RNF144B: variants seen among roughly 807,000 people sequenced by gnomAD.
RNF144B encodes E3 ubiquitin-protein ligase RNF144B.
RNF144B carries 25 observed loss-of-function variants against 40.2 expected under a neutral mutation model. The ratio of observed to expected loss-of-function variants is 0.62; its 90% CI spans 0.45 to 0.87. RNF144B has a LOEUF of 0.87. Among genes scored for constraint, RNF144B ranks in the 40% least tolerant of loss-of-function variants. The pLI is 0.00. For missense variants in RNF144B, 365 were observed against 373.7 expected (o/e 0.98, Z 0.19); for synonymous variants, 145 against 136.3 (o/e 1.06, Z -0.44).
rs1759414481 is a variant in RNF144B at position 18,459,882 on chromosome 6, G to A, written c.681+131G>A. On this transcript the variant is annotated intron_variant, in intron 6 of 7. Coordinates refer to ENST00000259939, the MANE Select transcript of RNF144B (RefSeq NM_182757.4). This position sits in a 1 kb window ranked among gnomAD's most constrained non-coding sequence, Gnocchi z 4.2. ...GCAAAAGGAATTTATTTTTCTTAAT[G>A]AGACTTACTAAGCCTGATACTTTAG... The A allele has an allele frequency of 1.2e-6, 1 of 827,636 alleles. No individual in the cohort carries two copies. The highest frequency in any genetic ancestry group is 1.9e-6 in the Non-Finnish European group (1 of 520,772). 51.3% of individuals were successfully genotyped at this position (827,636 alleles called of 1,614,324 possible).
In RNF144B at chr6:18,460,121, G is replaced by A. The variant is rs1395615572; in HGVS notation, c.681+370G>A. On this transcript the variant is annotated intron_variant, in intron 6 of 7. Transcript: ENST00000259939. This position sits in a 1 kb window ranked among gnomAD's most constrained non-coding sequence, Gnocchi z 4.4. Reference sequence around the variant, plus strand: ...TATTATCCCACAGTTCTTCACTTTGGAAGTCTGACATAGGTCTTGCTGGAT... The same window carrying A: ...TATTATCCCACAGTTCTTCACTTTGAAAGTCTGACATAGGTCTTGCTGGAT... Among the ~76,000 whole-genome samples the A allele has an allele frequency of 6.6e-6, 1 of 152,172 alleles. No individual in the cohort carries two copies. Among genetic ancestry groups the A allele is most frequent in the Non-Finnish European group, 1.5e-5 (1 of 68,040 alleles).
intron 1 of RNF144B, among the ~76,000 whole-genome samples, chr6:18,392,965 C>CA (rs1165908206): frequency 6.6e-6 from 1 of 151,606 alleles, no homozygotes; most frequent in African/African-American, 2.4e-5. Flanking sequence ...CTAAAAAATA[C>CA]AAAAAATTAG....
intron 2 of RNF144B, among the ~76,000 whole-genome samples, chr6:18,409,561 CTTTTTTTT>C (rs70974741): frequency 6.4e-5 from 6 of 93,262 alleles, no homozygotes; most frequent in Admixed American, 5.7e-4. Flanking sequence ...CTTGCATAAC[CTTTTTTTT>C]TTTTTTTTTT....
chr6:18,396,873 A>G (rs1243782499), intron 1 of RNF144B: 1 of 972,552 alleles, frequency 1.0e-6, no homozygotes, highest in Non-Finnish European at 1.2e-6. Context: ...GAGATTTTTT[A>G]CAAAAACTCA....
At position 18,406,507 on chromosome 6, in the gene RNF144B, G is replaced by A. The variant is rs6926132; in HGVS notation, c.165+6808G>A. On this transcript the variant is annotated intron_variant, in intron 2 of 7. Transcript: ENST00000259939. The surrounding 1 kb of genome is among the most constrained non-coding windows in gnomAD (Gnocchi z 4.2). ...GTGTGTGTGTGTGTGTGTGTAGGGGGAGTAGTAGGAGATGAAGGCTAAGTC... is the reference window on the plus strand; with the variant it reads ...GTGTGTGTGTGTGTGTGTGTAGGGGAAGTAGTAGGAGATGAAGGCTAAGTC... Among the ~76,000 whole-genome samples the A allele has an allele frequency of 0.65, 92,021 of 140,792 alleles. 29,290 individuals carry two copies. The highest frequency in any genetic ancestry group is 0.69 in the Non-Finnish European group (44,761 of 64,886). The allele number at this position is 140,792 out of a possible 152,430, so 92.4% of individuals were successfully genotyped here.
At position 18,412,714 on chromosome 6, in the gene RNF144B, A is replaced by C. The variant is rs1010809023; in HGVS notation, c.165+13015A>C. The stretch of plus-strand genomic sequence containing the variant: ...TTTCAGTTCATTAAAGATTGGTTAT[A>C]TAAGGCTTATCTATGTGGATTCCAG... On this transcript the variant is annotated intron_variant, in intron 2 of 7. Coordinates refer to ENST00000259939, the MANE Select transcript of RNF144B (RefSeq NM_182757.4). The surrounding 1 kb of genome is among the most constrained non-coding windows in gnomAD (Gnocchi z 4.2). Among the ~76,000 whole-genome samples, 5 of 152,224 alleles carry C rather than the reference A, an allele frequency of 3.3e-5. No individual in the cohort carries two copies. Among genetic ancestry groups the C allele is most frequent in the Admixed American group, 3.3e-4 (5 of 15,286 alleles).
intron 1 of RNF144B, among the ~76,000 whole-genome samples, chr6:18,389,015 A>G (rs563231349): frequency 2.6e-4 from 40 of 152,126 alleles, no homozygotes; most frequent in Non-Finnish European, 4.9e-4. Flanking sequence ...AAAACCCCCC[A>G]AAACCCCAAA....
In RNF144B at chr6:18,443,801, G is replaced by A; in HGVS notation, c.331+4057G>A. Among the ~76,000 whole-genome samples, 1 of 152,104 alleles carries A rather than the reference G, an allele frequency of 6.6e-6. No individual in the cohort carries two copies. Among genetic ancestry groups the A allele is most frequent in the East Asian group, 1.9e-4 (1 of 5,200 alleles). On this transcript the variant is annotated intron_variant, in intron 4 of 7. Coordinates refer to ENST00000259939, the MANE Select transcript of RNF144B (RefSeq NM_182757.4). The surrounding 1 kb of genome is among the most constrained non-coding windows in gnomAD (Gnocchi z 4.7). ...AGACCTTCATCAGCTAGGTGACTTT[G>A]AGACTATGTTGTGAATATATATTTG... is the stretch of plus-strand genomic sequence containing the variant.
chr6:18,459,744 A>G lies in RNF144B; in HGVS notation c.674A>G (p.Asn225Ser), dbSNP rs1404517914. The part of the protein sequence containing the change: ...KHTFCWYCLQ[N>S]LDNDIFLRHY... ...ACATTTTGCTGGTACTGCCTCCAGA[A>G]CTTGGATGTAAGTTCCACCTAGGTT... The change falls in exon 6 of 8, where the codon AAC (asparagine) becomes AGC (serine). Residue 225 changes from asparagine to serine, a missense_variant. Coordinates refer to ENST00000259939, the MANE Select transcript of RNF144B (RefSeq NM_182757.4). This position sits in a 1 kb window ranked among gnomAD's most constrained non-coding sequence, Gnocchi z 4.2. 6.2e-7 allele frequency: 1 copy of G among 1,613,820 alleles called. No homozygotes were observed. The highest frequency in any genetic ancestry group is 1.1e-5 in the South Asian group (1 of 91,068).
At chr6:18,433,154 C>G (rs1452294718) in intron 3 of RNF144B, among the ~76,000 whole-genome samples, 1 of 152,164 alleles carries the variant, frequency 6.6e-6, no homozygotes, top group Non-Finnish European at 1.5e-5. Context: ...ATTCTTCCTT[C>G]CCATTATCAT....
chr6:18,421,441 A>G (rs1023439354), intron 2 of RNF144B, among the ~76,000 whole-genome samples: 1 of 152,060 alleles, frequency 6.6e-6, no homozygotes, highest in African/African-American at 2.4e-5. Context: ...CCAATGACTA[A>G]GTGGTAATTC....
intron 4 of RNF144B, among the ~76,000 whole-genome samples, chr6:18,453,511 T>C (rs1759261071): frequency 6.6e-6 from 1 of 152,154 alleles, no homozygotes; most frequent in Non-Finnish European, 1.5e-5. Context: ...GTTATATTGA[T>C]TTATTTTTTT....
chr6:18,418,725 G>C lies in RNF144B; in HGVS notation c.166-8856G>C, dbSNP rs568265789. 6.6e-6 allele frequency among the ~76,000 whole-genome samples: 1 copy of C among 151,958 alleles called. No homozygotes were observed. The highest frequency in any genetic ancestry group is 1.5e-5 in the Non-Finnish European group (1 of 67,992). On this transcript the variant is annotated intron_variant, in intron 2 of 7. Transcript: ENST00000259939. This position sits in a 1 kb window ranked among gnomAD's most constrained non-coding sequence, Gnocchi z 5.2. ...TTAGATGGGTGCATTGTATGGGTAC[G>C]TGAATTATATCTCAGTTATAGATAT...
chr6:18,445,961 A>G (rs533607921), intron 4 of RNF144B, among the ~76,000 whole-genome samples: 1 of 152,362 alleles, frequency 6.6e-6, no homozygotes, highest in African/African-American at 2.4e-5. Context: ...TGTTGAAAAA[A>G]ATATCCTGTG....
In RNF144B at chr6:18,420,776, G is replaced by A. The variant is rs115746956; in HGVS notation, c.166-6805G>A. On this transcript the variant is annotated intron_variant, in intron 2 of 7. Transcript: ENST00000259939. ...TCCCTCCTTTTGATGATTTTATGTG[G>A]CTTCCTTTTGAAGGGGAAAAGAATT... is the stretch of plus-strand genomic sequence containing the variant. Among the ~76,000 whole-genome samples the A allele has an allele frequency of 5.9e-3, 890 of 152,120 alleles. 3 individuals carry two copies. The highest frequency in any genetic ancestry group is 0.02 in the African/African-American group (834 of 41,480).
chr6:18,459,854 C>A lies in RNF144B; in HGVS notation c.681+103C>A. 1 of 1,060,630 alleles carries A rather than the reference C, an allele frequency of 9.4e-7. No individual in the cohort carries two copies. The highest frequency in any genetic ancestry group is 1.4e-6 in the Non-Finnish European group (1 of 739,840). The allele number at this position is 1,060,630 out of a possible 1,614,324, so 65.7% of individuals were successfully genotyped here. A position where few individuals can be genotyped will look rare whatever the true frequency, so the allele number is the denominator to read the frequency against. On this transcript the variant is annotated intron_variant, in intron 6 of 7. Coordinates refer to ENST00000259939, the MANE Select transcript of RNF144B (RefSeq NM_182757.4). This position sits in a 1 kb window ranked among gnomAD's most constrained non-coding sequence, Gnocchi z 4.2. ...TTTAAAATATTGGGGCAATTTTTGT[C>A]CTGCAAAAGGAATTTATTTTTCTTA...
intron 3 of RNF144B, among the ~76,000 whole-genome samples, chr6:18,439,155 A>G (rs1257828829): frequency 2.0e-5 from 3 of 152,182 alleles, no homozygotes; most frequent in Admixed American, 2.0e-4. Context: ...TCAATGTCCC[A>G]TAACCGAGGG....
intron 4 of RNF144B, among the ~76,000 whole-genome samples, chr6:18,455,562 C>T (rs1759305111): frequency 6.6e-6 from 1 of 152,100 alleles, no homozygotes; most frequent in South Asian, 2.1e-4. Flanking sequence ...ATCATGAGCC[C>T]TAGGACGTTT....
rs184449131 is a variant in RNF144B at position 18,433,418 on chromosome 6, A to C, written c.270+5733A>C. Among the ~76,000 whole-genome samples the C allele has an allele frequency of 4.5e-4, 69 of 152,358 alleles. 2 individuals carry two copies. In the East Asian group the frequency reaches 0.013, roughly 29 times the overall value. ...AGAAAGTAGTTAAAACTTTGTTTTAAAATGTACTTAAAACTGTATAAGTGG... is the reference window on the plus strand; with the variant it reads ...AGAAAGTAGTTAAAACTTTGTTTTACAATGTACTTAAAACTGTATAAGTGG... On this transcript the variant is annotated intron_variant, in intron 3 of 7. Transcript: ENST00000259939.
Sources: allele counts gnomAD v4.1 joint callset (sites outside exome capture counted in the v4.1 genomes callset), GRCh38; gene constraint gnomAD v4.1.1; non-coding constraint Gnocchi (gnomAD v3.1); transcripts MANE v1.5; gene names NCBI Gene and HGNC (gene_info 2026-07-23, HGNC 2026-07-21).